The following RAP1A variants were observed in gnomAD, a reference collection of about 807,000 sequenced individuals.
RAP1A encodes the protein ras-related protein Rap-1A.
In RAP1A, 6 loss-of-function variants were observed where a neutral mutation model predicts 26.4. That is an observed-to-expected ratio of 0.23 (90% CI 0.12 to 0.45). RAP1A has a LOEUF of 0.45. RAP1A is among the 20% of genes least tolerant of loss of function. The probability of loss-of-function intolerance (pLI) is 0.99; values close to 1 mark genes in which losing one functional copy is unlikely to be tolerated. For synonymous variants in RAP1A, 73 were observed against 79.4 expected (o/e 0.92, Z 0.43); for missense variants, 121 against 217.2 (o/e 0.56, Z 2.78).
chr1:111,569,313 A>G (rs1045065581), intron 1 of RAP1A, among the ~76,000 whole-genome samples: 3 of 151,710 alleles, frequency 2.0e-5, no homozygotes, highest in Admixed American at 6.6e-5. Context: ...AGGCGGGGGA[A>G]TCTTGAGCCC....
At chr1:111,665,677 G>A (rs754360493) in intron 1 of RAP1A, among the ~76,000 whole-genome samples, 3 of 152,134 alleles carry the variant, frequency 2.0e-5, no homozygotes, top group Non-Finnish European at 4.4e-5. Context: ...GATTTGCTAT[G>A]TTGCTAAAAC....
At chr1:111,579,934 T>G (rs1016972067) in intron 1 of RAP1A, among the ~76,000 whole-genome samples, 10 of 152,018 alleles carry the variant, frequency 6.6e-5, no homozygotes, top group African/African-American at 2.4e-4. Context: ...GGATTACAAG[T>G]GCACATCACC....
intron 1 of RAP1A, among the ~76,000 whole-genome samples, chr1:111,644,027 C>A (rs775010164): frequency 2.0e-5 from 3 of 152,088 alleles, no homozygotes; most frequent in Admixed American, 6.6e-5. Flanking sequence ...TTGGATGAGG[C>A]CTACTCACAT....
intron 1 of RAP1A, among the ~76,000 whole-genome samples, chr1:111,577,515 A>G (rs1658171224): frequency 6.7e-6 from 1 of 150,350 alleles, no homozygotes; most frequent in South Asian, 2.1e-4. Context: ...TTTCTTGTAT[A>G]TTAAGTGGTC....
chr1:111,638,632 C>T (rs1407359803), intron 1 of RAP1A, among the ~76,000 whole-genome samples: 1 of 152,062 alleles, frequency 6.6e-6, no homozygotes, highest in Non-Finnish European at 1.5e-5. Flanking sequence ...TGCTGTGTTG[C>T]CCAGAATGGT....
intron 1 of RAP1A, among the ~76,000 whole-genome samples, chr1:111,670,836 G>GT (rs1326239044): frequency 1.3e-5 from 2 of 152,192 alleles, no homozygotes; most frequent in African/African-American, 4.8e-5. Flanking sequence ...GTAGATTATT[G>GT]TATCTGTTGT....
At chr1:111,656,722 C>T (rs548354097) in intron 1 of RAP1A, among the ~76,000 whole-genome samples, 27 of 152,164 alleles carry the variant, frequency 1.8e-4, no homozygotes, top group South Asian at 4.1e-4. Flanking sequence ...GGTTCCCCCC[C>T]GCCACTGCCT....
At chr1:111,559,278 T>C (rs1388070199) in intron 1 of RAP1A, among the ~76,000 whole-genome samples, 1 of 152,124 alleles carries the variant, frequency 6.6e-6, no homozygotes, top group African/African-American at 2.4e-5. Flanking sequence ...AAATTAGGAC[T>C]AAAGCAATTA....
chr1:111,635,766 A>G (rs1429047184), intron 1 of RAP1A, among the ~76,000 whole-genome samples: 1 of 151,962 alleles, frequency 6.6e-6, no homozygotes, highest in East Asian at 1.9e-4. Flanking sequence ...GAGTTTTACC[A>G]TGTTGACCAG....
At chr1:111,570,752 T>G (rs937009460) in intron 1 of RAP1A, among the ~76,000 whole-genome samples, 2 of 152,044 alleles carry the variant, frequency 1.3e-5, no homozygotes, top group South Asian at 4.1e-4. Context: ...CTGAGGGACA[T>G]CTGGCTTTAT....
chr1:111,660,315 CT>C (rs1660592243), intron 1 of RAP1A, among the ~76,000 whole-genome samples: 1 of 152,310 alleles, frequency 6.6e-6, no homozygotes, highest in African/African-American at 2.4e-5. Context: ...TTTTCCCCCC[CT>C]CTGGCTTCTT....
intron 2 of RAP1A, 93 bp from the exon 3 acceptor site, chr1:111,695,248 T>C (rs1661792197): frequency 4.3e-6 from 4 of 937,018 alleles, no homozygotes; most frequent in Non-Finnish European, 6.2e-6. Flanking sequence ...AATTTTCACA[T>C]AATTTCAATT....
intron 1 of RAP1A, among the ~76,000 whole-genome samples, chr1:111,646,432 A>C (rs543459949): frequency 9.6e-5 from 13 of 135,778 alleles, no homozygotes; most frequent in African/African-American, 2.6e-4. Flanking sequence ...AAAAAAAAAA[A>C]AACAAAACAA....
At chr1:111,706,875 G>A (rs1002345481) in intron 6 of RAP1A, 1 of 339,946 alleles carries the variant, frequency 2.9e-6, no homozygotes, top group East Asian at 1.7e-4. Flanking sequence ...CTAGTATGAA[G>A]AAACTGAAAT....
chr1:111,678,703 A>G (rs1661203152), intron 1 of RAP1A, among the ~76,000 whole-genome samples: 1 of 152,092 alleles, frequency 6.6e-6, no homozygotes, highest in South Asian at 2.1e-4. Context: ...CCACCACCGT[A>G]TATGTAATAG....
intron 1 of RAP1A, among the ~76,000 whole-genome samples, chr1:111,669,233 C>G (rs1379861978): frequency 6.6e-6 from 1 of 151,886 alleles, no homozygotes; most frequent in East Asian, 1.9e-4. Flanking sequence ...GCTAGTTTTC[C>G]CTGATACCAT....
At chr1:111,638,379 A>G (rs1225406257) in intron 1 of RAP1A, among the ~76,000 whole-genome samples, 1 of 152,168 alleles carries the variant, frequency 6.6e-6, no homozygotes, top group Non-Finnish European at 1.5e-5. Flanking sequence ...TGGGTCATTT[A>G]TGAATTGAAA....
chr1:111,703,281 C>A, intron 4 of RAP1A, 55 bp from the exon 5 acceptor site: 1 of 1,177,056 alleles, frequency 8.5e-7, no homozygotes. Flanking sequence ...TAAATTGTTG[C>A]AGTATACATT....
rs988992522 is a variant in RAP1A at position 111,656,826 on chromosome 1, A to AT, written c.-27-34501dup. ...TAGTTAATATGGAGAATTGTGTTGT[A>AT]TTTTTTTATATTGTGGTAAAATACA... is the stretch of plus-strand genomic sequence containing the variant. On this transcript the variant is annotated intron_variant, in intron 1 of 7. Transcript: ENST00000369709. 3.4e-5 allele frequency among the ~76,000 whole-genome samples: 5 copies of AT among 149,202 alleles called. No individual in the cohort carries two copies. The South Asian group carries it at 6.4e-4, about 19-fold the overall frequency.
Sources: allele counts gnomAD v4.1 joint callset (sites outside exome capture counted in the v4.1 genomes callset), GRCh38; gene constraint gnomAD v4.1.1; transcripts MANE v1.5; gene names NCBI Gene and HGNC (gene_info 2026-07-23, HGNC 2026-07-21).